CDC5L: variants seen among roughly 807,000 people sequenced by gnomAD.
The protein encoded by CDC5L is cell division cycle 5 like, also known as cell division cycle 5-like protein.
Under a neutral mutation model 104.1 loss-of-function variants are expected in CDC5L, and 18 were observed. The ratio of observed to expected loss-of-function variants is 0.17; its 90% CI spans 0.12 to 0.26. CDC5L has a LOEUF of 0.26. Among genes scored for constraint, CDC5L ranks in the 10% least tolerant of loss-of-function variants. The pLI is 1.00. For missense variants in CDC5L, 673 were observed against 956.9 expected (o/e 0.70, Z 3.91); for synonymous variants, 331 against 322.7 (o/e 1.03, Z -0.28).
At position 44,408,620 on chromosome 6, in the gene CDC5L, C is replaced by T. The variant is rs773251690; in HGVS notation, c.1080C>T (p.Asp360=). The stretch of plus-strand genomic sequence containing the variant: ...CACCACGAACACCAGCTTCCCAGGA[C>T]AGAATTCTGCAGGTAACGTGTCACG... ...LRTPRTPASQ[D]RILQEAQNLM... The change falls in exon 8 of 16, where the codon GAC becomes GAT. Residue 360 remains aspartate, a synonymous_variant. Transcript: ENST00000371477. 8 of 1,596,134 alleles carry T rather than the reference C, an allele frequency of 5.0e-6. No homozygotes were observed. In the African/African-American group the frequency reaches 6.7e-5, roughly 13 times the overall value.
Position 44,426,512 on chromosome 6 carries a change from G to A in CDC5L, c.1681G>A (p.Val561Ile), listed in dbSNP as rs1272062097. ...TGAAACTATTCTAAGACCCTTAAAT[G>A]TAGAACCGCCTTTAACAGATTTACA... is the stretch of plus-strand genomic sequence containing the variant. ...VNETILRPLN[V>I]EPPLTDLQKS... The change falls in exon 13 of 16, where the codon GTA becomes ATA. Residue 561 changes from valine to isoleucine, a missense_variant. Coordinates refer to ENST00000371477, the MANE Select transcript of CDC5L (RefSeq NM_001253.4). 6.4e-7 allele frequency: 1 copy of A among 1,567,658 alleles called. No homozygotes were observed. Among genetic ancestry groups the A allele is most frequent in the Non-Finnish European group, 8.8e-7 (1 of 1,138,608 alleles).
At chr6:44,428,908 A>G (rs865791609) in intron 13 of CDC5L, among the ~76,000 whole-genome samples, 2 of 150,280 alleles carry the variant, frequency 1.3e-5, no homozygotes, top group South Asian at 2.2e-4. Context: ...GGAGTGGGAG[A>G]GTGGAAGGGG....
At chr6:44,409,515 G>A (rs1231144245) in intron 8 of CDC5L, among the ~76,000 whole-genome samples, 1 of 152,078 alleles carries the variant, frequency 6.6e-6, no homozygotes, top group South Asian at 2.1e-4. Context: ...TGTAATATTC[G>A]TACATATAGT....
intron 4 of CDC5L, 145 bp from the exon 5 acceptor site, chr6:44,396,196 G>A: frequency 2.5e-6 from 1 of 406,372 alleles, no homozygotes; most frequent in Non-Finnish European, 4.4e-6. Context: ...CAAAACTCAA[G>A]CTGTTTCCAT....
chr6:44,396,261 G>T, intron 4 of CDC5L, 80 bp from the exon 5 acceptor site: 1 of 774,460 alleles, frequency 1.3e-6, no homozygotes. Flanking sequence ...TTGAGCAATA[G>T]AGTGTCTCTT....
At chr6:44,417,755 C>G (rs1271587744) in intron 8 of CDC5L, among the ~76,000 whole-genome samples, 1 of 152,166 alleles carries the variant, frequency 6.6e-6, no homozygotes, top group Admixed American at 6.5e-5. Context: ...AAGTTGTTTT[C>G]TTGTGCAGTG....
At chr6:44,429,965 C>A in intron 14 of CDC5L, 55 bp downstream of exon 14, 1 of 1,356,162 alleles carries the variant, frequency 7.4e-7, no homozygotes. Context: ...AGATAATGAA[C>A]TAAATAATGC....
chr6:44,426,306 A>G (rs1276254507), intron 12 of CDC5L, 123 bp downstream of exon 12: 3 of 777,872 alleles, frequency 3.9e-6, no homozygotes, highest in Non-Finnish European at 6.2e-6. Context: ...ATAGCAAAGT[A>G]GTTCTCAAAT....
In CDC5L at chr6:44,419,853, C is replaced by A. The variant is rs9395016; in HGVS notation, c.1241+256C>A. Among the ~76,000 whole-genome samples the A allele has an allele frequency of 0.19, 29,227 of 151,954 alleles. 3,976 individuals carry two copies. The highest frequency in any genetic ancestry group is 0.7 in the East Asian group (3,596 of 5,140). ...GTAGCGCGATCTCAGCTTACGGAAC[C>A]CCTCTGCCTCCCGGGTTCAAGCGAT... is the stretch of plus-strand genomic sequence containing the variant. On this transcript the variant is annotated intron_variant, in intron 9 of 15. Coordinates refer to ENST00000371477, the MANE Select transcript of CDC5L (RefSeq NM_001253.4).
intron 14 of CDC5L, among the ~76,000 whole-genome samples, chr6:44,432,372 C>T (rs1456513025): frequency 6.6e-6 from 1 of 152,160 alleles, no homozygotes; most frequent in Non-Finnish European, 1.5e-5. Flanking sequence ...ATAAGCCCTT[C>T]TCTGTAAGCA....
In CDC5L at chr6:44,402,116, C is replaced by T. The variant is rs1187305159; in HGVS notation, c.540-1693C>T. 3.5e-5 allele frequency among the ~76,000 whole-genome samples: 5 copies of T among 143,788 alleles called. No individual in the cohort carries two copies. In the South Asian group the frequency reaches 7.1e-4, roughly 21 times the overall value. The allele number at this position is 143,788 out of a possible 152,430, so 94.3% of individuals were successfully genotyped here. ...TGTGAATAGTGCCGCAGTAAACATA[C>T]GTGTGCATGTGTCTTTATAGCAGCA... On this transcript the variant is annotated intron_variant, in intron 5 of 15. Coordinates refer to ENST00000371477, the MANE Select transcript of CDC5L (RefSeq NM_001253.4).
In CDC5L at chr6:44,395,256, G is replaced by T. The variant is rs11571928; in HGVS notation, c.440-1085G>T. 3.8e-3 allele frequency among the ~76,000 whole-genome samples: 574 copies of T among 152,352 alleles called. 3 individuals are homozygous for T. The highest frequency in any genetic ancestry group is 0.013 in the African/African-American group (541 of 41,570). On this transcript the variant is annotated intron_variant, in intron 4 of 15. Coordinates refer to ENST00000371477, the MANE Select transcript of CDC5L (RefSeq NM_001253.4). ...TGTATTACATATTTCAAAGTAGCTG[G>T]AAGAGAGGTCTGAAATAAATACTCA...
chr6:44,444,230 A>G (rs1241298415), intron 14 of CDC5L, among the ~76,000 whole-genome samples: 1 of 152,112 alleles, frequency 6.6e-6, no homozygotes, highest in Non-Finnish European at 1.5e-5. Flanking sequence ...GCAAATGCCT[A>G]TGCTTGTGTT....
At chr6:44,394,580 G>T (rs941857837) in intron 4 of CDC5L, among the ~76,000 whole-genome samples, 37 of 152,084 alleles carry the variant, frequency 2.4e-4, no homozygotes, top group African/African-American at 7.2e-4. Context: ...TGTGGACTGG[G>T]CATGGTGGCT....
intron 14 of CDC5L, among the ~76,000 whole-genome samples, chr6:44,435,268 A>T (rs935536463): frequency 2.0e-5 from 3 of 151,840 alleles, no homozygotes; most frequent in East Asian, 3.9e-4. Context: ...TTTCTGTATA[A>T]TTTTTTTGAG....
In CDC5L at chr6:44,422,756, A is replaced by G. The variant is rs1404328024; in HGVS notation, c.1351A>G (p.Asn451Asp). 1 of 1,612,874 alleles carries G rather than the reference A, an allele frequency of 6.2e-7. No individual in the cohort carries two copies. Reference protein sequence around the residue: ...RTPLRDKLNINPEDGMADYSD... With the variant: ...RTPLRDKLNIDPEDGMADYSD... ...TCCTCTTCGAGACAAGTTAAACATT[A>G]ATCCCGAGGATGGAATGGCAGACTA... Residue 451 changes from asparagine to aspartate, a missense_variant, in exon 10 of 16, where the codon AAT (asparagine) becomes GAT (aspartate). Asn to Asp is a conservative substitution (Grantham distance 23, BLOSUM62 1). Coordinates refer to ENST00000371477, the MANE Select transcript of CDC5L (RefSeq NM_001253.4).
chr6:44,439,196 T>C (rs961841069), intron 14 of CDC5L, among the ~76,000 whole-genome samples: 1 of 152,262 alleles, frequency 6.6e-6, no homozygotes, highest in African/African-American at 2.4e-5. Flanking sequence ...TATTTGTTTT[T>C]ATGGCTGAGT....
chr6:44,421,219 C>A (rs1792156923), intron 9 of CDC5L, among the ~76,000 whole-genome samples: 1 of 152,212 alleles, frequency 6.6e-6, no homozygotes, highest in South Asian at 2.1e-4. Context: ...TTGCAGGTAG[C>A]AGTTTGTTTG....
rs373583499 is a variant in CDC5L at position 44,406,306 on chromosome 6, A to T, written c.759-17A>T. ...TATGTAACTTAAAAATCTCTTTTCTACTTTGATCCATGACAGTGAAAAAGA... is the reference window on the plus strand; with the variant it reads ...TATGTAACTTAAAAATCTCTTTTCTTCTTTGATCCATGACAGTGAAAAAGA... On this transcript the variant is annotated splice_polypyrimidine_tract_variant and intron_variant, in intron 6 of 15. Transcript: ENST00000371477. 5 of 1,574,186 alleles carry T rather than the reference A, an allele frequency of 3.2e-6. No individual in the cohort carries two copies. Among genetic ancestry groups the T allele is most frequent in the Non-Finnish European group, 4.3e-6 (5 of 1,158,332 alleles).
Sources: gnomAD v4.1 joint callset for allele counts (sites outside exome capture counted in the v4.1 genomes callset) on GRCh38, gnomAD v4.1.1 for gene constraint, MANE v1.5 for transcripts, NCBI Gene and HGNC (gene_info 2026-07-23, HGNC 2026-07-21) for gene names.